ADAMTSL1: variants seen among roughly 807,000 people sequenced by gnomAD.
ADAMTSL1 encodes the protein ADAMTS like 1.
In ADAMTSL1, 126 loss-of-function variants were observed where a neutral mutation model predicts 201.8. The ratio of observed to expected loss-of-function variants is 0.62; its 90% CI spans 0.54 to 0.72. The LOEUF is 0.72. ADAMTSL1 is among the 30% of genes least tolerant of loss of function. The probability of loss-of-function intolerance (pLI) is 0.00; values close to 1 mark genes in which losing one functional copy is unlikely to be tolerated. For missense variants in ADAMTSL1, 2,679 were observed against 2,277.8 expected (o/e 1.18, Z -3.59); for synonymous variants, 1,121 against 903.4 (o/e 1.24, Z -4.32).
intron 1 of ADAMTSL1, among the ~76,000 whole-genome samples, chr9:17,936,948 C>T (rs1451786128): frequency 6.6e-6 from 1 of 152,040 alleles, no homozygotes; most frequent in East Asian, 1.9e-4. Flanking sequence ...GGAGGGGTTT[C>T]CCATGGACAT....
chr9:18,836,403 G>T (rs200434135), intron 23 of ADAMTSL1, among the ~76,000 whole-genome samples: 20 of 152,072 alleles, frequency 1.3e-4, no homozygotes, highest in African/African-American at 4.3e-4. Context: ...GTTGATAGTT[G>T]CTTTTGCTGT....
At chr9:18,167,987 T>C (rs1010629284) in intron 2 of ADAMTSL1, among the ~76,000 whole-genome samples, 4 of 152,052 alleles carry the variant, frequency 2.6e-5, no homozygotes, top group Non-Finnish European at 5.9e-5. Context: ...TCTAATTGCT[T>C]CTTCCATAAC....
At chr9:18,670,959 C>T (rs1310327031) in intron 9 of ADAMTSL1, among the ~76,000 whole-genome samples, 2 of 151,502 alleles carry the variant, frequency 1.3e-5, no homozygotes, top group Non-Finnish European at 2.9e-5. Context: ...CTTATATCCA[C>T]CCTCTGTGTA....
intron 22 of ADAMTSL1, among the ~76,000 whole-genome samples, chr9:18,828,727 A>T: frequency 7.3e-6 from 1 of 136,184 alleles, no homozygotes. Context: ...ATATATGTAC[A>T]CACACACACA....
chr9:18,392,305 A>C (rs1229744011), intron 2 of ADAMTSL1, among the ~76,000 whole-genome samples: 2 of 152,226 alleles, frequency 1.3e-5, no homozygotes, highest in Non-Finnish European at 2.9e-5. Flanking sequence ...GCTTTAGTAC[A>C]TGTGGTTAAT....
At chr9:17,972,608 G>C (rs1277375516) in intron 1 of ADAMTSL1, among the ~76,000 whole-genome samples, 3 of 151,836 alleles carry the variant, frequency 2.0e-5, no homozygotes, top group Non-Finnish European at 4.4e-5. Flanking sequence ...GTTGTGAATA[G>C]TGCCACTATA....
intron 23 of ADAMTSL1, among the ~76,000 whole-genome samples, chr9:18,843,128 C>A (rs1466162798): frequency 6.6e-6 from 1 of 150,754 alleles, no homozygotes; most frequent in African/African-American, 2.5e-5. Flanking sequence ...TCTTCCTAGC[C>A]TCAATGGTCT....
intron 2 of ADAMTSL1, among the ~76,000 whole-genome samples, chr9:18,253,278 C>A (rs1453580317): frequency 2.0e-5 from 3 of 152,088 alleles, no homozygotes; most frequent in Non-Finnish European, 4.4e-5. Context: ...ACATTGGTTA[C>A]CTCAGGAAGG....
chr9:18,190,436 T>C (rs4961627), intron 2 of ADAMTSL1, among the ~76,000 whole-genome samples: 47,855 of 152,100 alleles, frequency 0.31, 7,688 homozygotes, highest in Admixed American at 0.4. Context: ...CACACTCTTG[T>C]ACTTTAAACA....
chr9:18,881,446 A>T (rs1828529501), intron 23 of ADAMTSL1, among the ~76,000 whole-genome samples: 1 of 152,208 alleles, frequency 6.6e-6, no homozygotes, highest in South Asian at 2.1e-4. Flanking sequence ...TGGCCCCAGG[A>T]GAGGAAGCAA....
chr9:18,756,033 A>G (rs530341852), intron 16 of ADAMTSL1, among the ~76,000 whole-genome samples: 3 of 135,076 alleles, frequency 2.2e-5, no homozygotes, highest in South Asian at 2.5e-4. Flanking sequence ...TTTGGTGCAT[A>G]GGGTCTGTTT....
At chr9:18,343,698 C>G (rs192483268) in intron 2 of ADAMTSL1, among the ~76,000 whole-genome samples, 1 of 152,202 alleles carries the variant, frequency 6.6e-6, no homozygotes, top group East Asian at 1.9e-4. Context: ...ACAGTACTGA[C>G]TAGGTTGCAC....
At chr9:18,787,837 A>G (rs908631180) in intron 19 of ADAMTSL1, among the ~76,000 whole-genome samples, 2 of 152,178 alleles carry the variant, frequency 1.3e-5, no homozygotes, top group African/African-American at 4.8e-5. Flanking sequence ...AGTGGATAGG[A>G]AATCCAGTCA....
At chr9:17,942,201 T>C (rs952674239) in intron 1 of ADAMTSL1, among the ~76,000 whole-genome samples, 1 of 152,130 alleles carries the variant, frequency 6.6e-6, no homozygotes, top group Non-Finnish European at 1.5e-5. Context: ...TTTGGGATGA[T>C]GAAAAAGTTC....
intron 2 of ADAMTSL1, among the ~76,000 whole-genome samples, chr9:18,228,756 G>GTA (rs1830526115): frequency 6.6e-6 from 1 of 151,980 alleles, no homozygotes; most frequent in African/African-American, 2.4e-5. Flanking sequence ...GGAAATGGAA[G>GTA]TATAAGTCGA....
At chr9:18,389,965 A>C (rs545820374) in intron 2 of ADAMTSL1, among the ~76,000 whole-genome samples, 2 of 152,292 alleles carry the variant, frequency 1.3e-5, no homozygotes, top group African/African-American at 4.8e-5. Context: ...GCATTGTTCC[A>C]GAAAGGGTTT....
intron 1 of ADAMTSL1, among the ~76,000 whole-genome samples, chr9:18,064,310 A>G (rs1373431035): frequency 6.6e-6 from 1 of 151,888 alleles, no homozygotes; most frequent in Non-Finnish European, 1.5e-5. Context: ...AGTCTCCTCC[A>G]TCTCGGATGA....
At chr9:18,401,762 T>G (rs892680225) in intron 2 of ADAMTSL1, among the ~76,000 whole-genome samples, 5 of 152,266 alleles carry the variant, frequency 3.3e-5, no homozygotes, top group East Asian at 1.9e-4. Flanking sequence ...TGGTTATAAA[T>G]GCACCACTTT....
intron 14 of ADAMTSL1, among the ~76,000 whole-genome samples, chr9:18,707,662 A>G (rs1832307537): frequency 6.6e-6 from 1 of 152,264 alleles, no homozygotes; most frequent in Non-Finnish European, 1.5e-5. Context: ...AGCTGGGACT[A>G]GAACAAAGCT....
Sources: gnomAD v4.1 joint callset for allele counts (sites outside exome capture counted in the v4.1 genomes callset) on GRCh38, gnomAD v4.1.1 for gene constraint, MANE v1.5 for transcripts, NCBI Gene and HGNC (gene_info 2026-07-23, HGNC 2026-07-21) for gene names.